The following MYH4 variants were observed in gnomAD, a reference collection of about 807,000 sequenced individuals.
The protein encoded by MYH4 is myosin heavy chain 4, also known as myosin-4.
A neutral mutation model predicts 229.9 loss-of-function variants in MYH4; 200 were observed. The observed-to-expected ratio is 0.87, with a 90% CI of 0.78 to 0.98. The LOEUF is 0.98. Ranked by LOEUF, MYH4 falls within the 50% of genes least tolerant of loss-of-function variation. The pLI is 0.00. For synonymous variants in MYH4, 761 were observed against 834.6 expected (o/e 0.91, Z 1.52); for missense variants, 2,148 against 2,332.6 (o/e 0.92, Z 1.63).
chr17:10,468,354 A>G (rs950738833), intron 2 of MYH4, among the ~76,000 whole-genome samples: 1 of 152,202 alleles, frequency 6.6e-6, no homozygotes, highest in African/African-American at 2.4e-5. Flanking sequence ...AAGCCCCAAT[A>G]GAGCCTCAGG....
At position 10,449,039 on chromosome 17, in the gene MYH4, A is replaced by T. The variant is rs370459149; in HGVS notation, c.4190T>A (p.Leu1397Gln). Reference protein sequence around the residue: ...TEELEEAKKKLAQRLQDAEEH... With the variant: ...TEELEEAKKKQAQRLQDAEEH... ...TTCTGCATCCTGCAGACGCTGGGCT[A>T]GCTTCTTCCTGAAAATTGGGTCAGT... Residue 1397 changes from leucine (L) to glutamine (Q), a missense_variant, in exon 31 of 40, where the codon CTA becomes CAA. Transcript: ENST00000255381. 1 of 1,613,856 alleles carries T rather than the reference A, an allele frequency of 6.2e-7. No homozygotes were observed. Among genetic ancestry groups the T allele is most frequent in the Non-Finnish European group, 8.5e-7 (1 of 1,179,964 alleles).
rs77853662 is a variant in MYH4 at position 10,452,964 on chromosome 17, C to T, written c.3112-32G>A. On this transcript the variant is annotated intron_variant, in intron 24 of 39. Coordinates refer to ENST00000255381, the MANE Select transcript of MYH4 (RefSeq NM_017533.2). Reference sequence around the variant, plus strand: ...TTATGATGCATTTTATTTATTTCAGCTCTTAAGCACTGAACCCTATGCTAG... The same window carrying T: ...TTATGATGCATTTTATTTATTTCAGTTCTTAAGCACTGAACCCTATGCTAG... The T allele has an allele frequency of 2.8e-4, 439 of 1,595,204 alleles. 1 individual carries two copies. The East Asian group carries it at 8.5e-3, about 31-fold the overall frequency.
intron 2 of MYH4, 57 bp from the exon 3 acceptor site, chr17:10,466,841 G>T: frequency 6.8e-7 from 1 of 1,471,582 alleles, no homozygotes; most frequent in Non-Finnish European, 9.4e-7. Flanking sequence ...GAATTGTTCT[G>T]TTGATTTCAT....
At position 10,448,429 on chromosome 17, in the gene MYH4, C is replaced by T; in HGVS notation, c.4623G>A (p.Lys1541=). 1 of 1,613,948 alleles carries T rather than the reference C, an allele frequency of 6.2e-7. No homozygotes were observed. Residue 1541 remains lysine (K), a synonymous_variant, in exon 33 of 40, where the codon AAG becomes AAA. Transcript: ENST00000255381. ...CCTCTAGGGAAGTCTGTAGTTCACT[C>T]TTCTCATGATCAAGTTGTTTCTTTA... ...EKVKKQLDHE[K]SELQTSLEEA... is the part of the protein sequence containing the mutation.
At chr17:10,456,054 G>C (rs1380861477) in intron 17 of MYH4, among the ~76,000 whole-genome samples, 153 bp from the exon 18 acceptor site, 1 of 152,162 alleles carries the variant, frequency 6.6e-6, no homozygotes, top group Non-Finnish European at 1.5e-5. Flanking sequence ...GTGGAGCACA[G>C]GTAGGAAATT....
At chr17:10,467,955 T>C (rs2072785322) in intron 2 of MYH4, among the ~76,000 whole-genome samples, 1 of 152,214 alleles carries the variant, frequency 6.6e-6, no homozygotes, top group Non-Finnish European at 1.5e-5. Flanking sequence ...CCACCTTCTG[T>C]AGGCTTTCCA....
In MYH4 at chr17:10,444,662, TCCTGCAG is replaced by T. The variant is rs1043444570; in HGVS notation, c.5602_5608del (p.Leu1868ThrfsTer55). 2 of 1,613,880 alleles carry T rather than the reference TCCTGCAG, an allele frequency of 1.2e-6. No individual in the cohort carries two copies. Among genetic ancestry groups the T allele is most frequent in the Non-Finnish European group, 1.7e-6 (2 of 1,180,000 alleles). ...TTTGGTTTGCAATTTGTCCACCAAGTCCTGCAGCCTGAGAATATTCTTGCGGTCCTCC... is the reference window on the plus strand; with the variant it reads ...TTTGGTTTGCAATTTGTCCACCAAGTCCTGAGAATATTCTTGCGGTCCTCC... On this transcript the variant is annotated frameshift_variant, in exon 39 of 40. Coordinates refer to ENST00000255381, the MANE Select transcript of MYH4 (RefSeq NM_017533.2). LOFTEE classifies it high-confidence loss of function.
Position 10,463,195 on chromosome 17 carries a change from G to T in MYH4, c.806-7C>A. 6.2e-7 allele frequency: 1 copy of T among 1,607,182 alleles called. No homozygotes were observed. The highest frequency in any genetic ancestry group is 1.1e-5 in the South Asian group (1 of 90,480). ...CGGGACTTCTCTAGCAGATCTGGAA[G>T]TCAGATTAAGCTCATTTAAAAGAAG... On this transcript the variant is annotated splice_region_variant and splice_polypyrimidine_tract_variant and intron_variant, in intron 9 of 39. Transcript: ENST00000255381.
intron 39 of MYH4, 97 bp downstream of exon 39, chr17:10,444,507 C>A (rs759079181): frequency 1.2e-6 from 1 of 852,720 alleles, no homozygotes; most frequent in Non-Finnish European, 1.9e-6. Context: ...TTATGTATTC[C>A]CAATTTAAAG....
chr17:10,463,708 T>C, intron 7 of MYH4, 65 bp from the exon 8 acceptor site: 2 of 1,298,852 alleles, frequency 1.5e-6, no homozygotes, highest in South Asian at 2.7e-5. Flanking sequence ...CATTGACCTC[T>C]TTCCCTTCCC....
rs1424767307 is a variant in MYH4 at position 10,463,630 on chromosome 17, T to C, written c.662A>G (p.Asp221Gly). 11 of 1,607,740 alleles carry C rather than the reference T, an allele frequency of 6.8e-6. No homozygotes were observed. The highest frequency in any genetic ancestry group is 8.5e-6 in the Non-Finnish European group (10 of 1,177,876). Residue 221 changes from aspartate to glycine, a missense_variant, in exon 8 of 40, where the codon GAT becomes GGT. By Grantham distance (94) the Asp-to-Gly change is moderately conservative. Transcript: ENST00000255381. Reference sequence around the variant, plus strand: ...TAGGGGGTTAGCACTGATGATTTGATCTTCAAGGGTCCCCTTAAGAGAAAT... The same window carrying C: ...TAGGGGGTTAGCACTGATGATTTGACCTTCAAGGGTCCCCTTAAGAGAAAT... The part of the protein sequence containing the change: ...ASGKMQGTLE[D>G]QIISANPLLE...
At chr17:10,465,622 C>CTG in intron 4 of MYH4, 24 bp from the exon 5 acceptor site, 1 of 1,613,900 alleles carries the variant, frequency 6.2e-7, no homozygotes, top group Non-Finnish European at 8.5e-7. Flanking sequence ...CGGGGTTCCT[C>CTG]GATCAGCAAT....
rs978890166 is a variant in MYH4 at position 10,463,641 on chromosome 17, C to A, written c.651G>T (p.Gly217=). 1 of 1,603,810 alleles carries A rather than the reference C, an allele frequency of 6.2e-7. No homozygotes were observed. The highest frequency in any genetic ancestry group is 8.5e-7 in the Non-Finnish European group (1 of 1,175,594). The change falls in exon 8 of 40, where the codon GGG becomes GGT. Residue 217 remains glycine, a splice_region_variant and synonymous_variant. Coordinates refer to ENST00000255381, the MANE Select transcript of MYH4 (RefSeq NM_017533.2). The part of the protein sequence containing the change: ...KEEPASGKMQ[G]TLEDQIISAN... ...CACTGATGATTTGATCTTCAAGGGT[C>A]CCCTTAAGAGAAATGAATAAGACAG...
intron 28 of MYH4, among the ~76,000 whole-genome samples, 165 bp downstream of exon 28, chr17:10,451,161 T>A (rs1235088875): frequency 6.6e-6 from 1 of 152,206 alleles, no homozygotes; most frequent in East Asian, 1.9e-4. Context: ...AATTGTCGCT[T>A]AGAATCATTG....
At chr17:10,451,798 A>G (rs1428184076) in intron 27 of MYH4, 143 bp downstream of exon 27, 5 of 1,067,610 alleles carry the variant, frequency 4.7e-6, no homozygotes, top group Admixed American at 2.6e-5. Context: ...AAGTGATTCA[A>G]TACAATAATG....
chr17:10,453,073 C>T lies in MYH4; in HGVS notation c.3111+79G>A. On this transcript the variant is annotated intron_variant, in intron 24 of 39. Transcript: ENST00000255381. ...TTATTCACAGACCAAGCGTTAAAGGCTTATGACTATCAGTGCTGGTTTCAT... is the reference window on the plus strand; with the variant it reads ...TTATTCACAGACCAAGCGTTAAAGGTTTATGACTATCAGTGCTGGTTTCAT... 3 of 1,602,852 alleles carry T rather than the reference C, an allele frequency of 1.9e-6. No homozygotes were observed. In the South Asian group the frequency reaches 3.3e-5, roughly 18 times the overall value.
Position 10,444,705 on chromosome 17 carries a change from A to C in MYH4, c.5572-6T>G, listed in dbSNP as rs1432040920. ...TTCTTGCGGTCCTCCTCAGTCTGAA[A>C]GAGGTGCAAGTAGATGGTGCCATTA... On this transcript the variant is annotated splice_region_variant and splice_polypyrimidine_tract_variant and intron_variant, in intron 38 of 39. Coordinates refer to ENST00000255381, the MANE Select transcript of MYH4 (RefSeq NM_017533.2). 4 of 1,613,538 alleles carry C rather than the reference A, an allele frequency of 2.5e-6. 1 individual carries two copies. Among genetic ancestry groups the C allele is most frequent in the African/African-American group, 1.3e-5 (1 of 74,874 alleles).
At chr17:10,450,925 T>C in intron 28 of MYH4, 30 bp from the exon 29 acceptor site, 1 of 1,515,668 alleles carries the variant, frequency 6.6e-7, no homozygotes, top group South Asian at 1.1e-5. Context: ...AATGATTTAG[T>C]TCTGTTGTCT....
chr17:10,449,254 C>T (rs977458616), intron 30 of MYH4, among the ~76,000 whole-genome samples: 4 of 152,124 alleles, frequency 2.6e-5, no homozygotes, highest in Non-Finnish European at 5.9e-5. Flanking sequence ...AACATATTTA[C>T]GAAGCACCTG....
Sources: gnomAD v4.1 joint callset for allele counts (sites outside exome capture counted in the v4.1 genomes callset) on GRCh38, gnomAD v4.1.1 for gene constraint, MANE v1.5 for transcripts, NCBI Gene and HGNC (gene_info 2026-07-23, HGNC 2026-07-21) for gene names.